Variants in HSF5 observed in about 807,000 individuals in gnomAD.
HSF5 encodes heat shock transcription factor 5.
In HSF5, 5 loss-of-function variants were observed where a neutral mutation model predicts 50.8. The ratio of observed to expected loss-of-function variants is 0.10; its 90% CI spans 0.05 to 0.21. The LOEUF (loss-of-function observed/expected upper bound fraction) is 0.21. HSF5 is among the 10% of genes least tolerant of loss of function. The probability of loss-of-function intolerance (pLI) is 1.00; values close to 1 mark genes in which losing one functional copy is unlikely to be tolerated. For missense variants in HSF5, 564 were observed against 762.6 expected (o/e 0.74, Z 3.07); for synonymous variants, 307 against 307.4 (o/e 1.00, Z 0.02).
At chr17:58,470,800 C>T (rs1233860072) in intron 2 of HSF5, among the ~76,000 whole-genome samples, 2 of 152,104 alleles carry the variant, frequency 1.3e-5, no homozygotes, top group African/African-American at 4.8e-5. Context: ...GTGGTGCACG[C>T]CTGTAGCCCC....
At chr17:58,428,945 G>T (rs1428077012) in intron 5 of HSF5, among the ~76,000 whole-genome samples, 1 of 152,184 alleles carries the variant, frequency 6.6e-6, no homozygotes. Flanking sequence ...GTATATGCAT[G>T]TTCATAGCAC....
intron 1 of HSF5, among the ~76,000 whole-genome samples, chr17:58,483,635 C>A (rs1598204501): frequency 6.6e-6 from 1 of 152,148 alleles, no homozygotes; most frequent in East Asian, 1.9e-4. Context: ...AGCATGGTAT[C>A]CCCAGGTAAA....
chr17:58,429,449 G>A (rs1974336407), intron 5 of HSF5, among the ~76,000 whole-genome samples: 2 of 152,206 alleles, frequency 1.3e-5, no homozygotes, highest in South Asian at 4.1e-4. Context: ...CAGGAGGATT[G>A]CTTGAGCCCA....
intron 5 of HSF5, among the ~76,000 whole-genome samples, chr17:58,449,474 C>A (rs767781494): frequency 1.1e-4 from 17 of 152,220 alleles, no homozygotes; most frequent in Non-Finnish European, 2.5e-4. Context: ...CCGAGGCAGG[C>A]GGATCACCAG....
rs912579407 is a variant in HSF5 at position 58,487,709 on chromosome 17, G to A, written c.550+16C>T. The A allele has an allele frequency of 2.2e-6, 3 of 1,383,318 alleles. No homozygotes were observed. Among genetic ancestry groups the A allele is most frequent in the Non-Finnish European group, 2.8e-6 (3 of 1,078,382 alleles). The allele number at this position is 1,383,318 out of a possible 1,614,324, so 85.7% of individuals were successfully genotyped here. A position where few individuals can be genotyped will look rare whatever the true frequency, so the allele number is the denominator to read the frequency against. ...TGTGCCCACTGTGGGCGAGGGCACGGGCAGTCCGGACTCACCGTGCGGCTC... is the reference window on the plus strand; with the variant it reads ...TGTGCCCACTGTGGGCGAGGGCACGAGCAGTCCGGACTCACCGTGCGGCTC... On this transcript the variant is annotated intron_variant, in intron 1 of 5. Transcript: ENST00000323777.
chr17:58,451,627 T>G (rs946112293), intron 5 of HSF5, among the ~76,000 whole-genome samples: 2 of 152,140 alleles, frequency 1.3e-5, no homozygotes, highest in Non-Finnish European at 1.5e-5. Context: ...AATTTAAAAA[T>G]TCCTTGAGAC....
At chr17:58,426,562 C>T (rs1974298774) in intron 5 of HSF5, among the ~76,000 whole-genome samples, 1 of 152,102 alleles carries the variant, frequency 6.6e-6, no homozygotes, top group African/African-American at 2.4e-5. Flanking sequence ...GGTTTTGGGG[C>T]TATTACCTTA....
At chr17:58,430,888 T>C (rs1039481052) in intron 5 of HSF5, among the ~76,000 whole-genome samples, 1 of 152,222 alleles carries the variant, frequency 6.6e-6, no homozygotes, top group African/African-American at 2.4e-5. Context: ...CGCACAAATA[T>C]CACATTGTAT....
chr17:58,436,575 T>C (rs1974430104), intron 5 of HSF5, among the ~76,000 whole-genome samples: 1 of 152,096 alleles, frequency 6.6e-6, no homozygotes, highest in African/African-American at 2.4e-5. Flanking sequence ...TAAAGATAAT[T>C]ACTGTGCTAA....
At chr17:58,477,476 T>C (rs1975032218) in intron 2 of HSF5, among the ~76,000 whole-genome samples, 1 of 150,120 alleles carries the variant, frequency 6.7e-6, no homozygotes, top group African/African-American at 2.5e-5. Flanking sequence ...TTTTTTTTTT[T>C]TGAGACGGAG....
In HSF5 at chr17:58,457,748, C is replaced by T. The variant is rs1285516412; in HGVS notation, c.1720+1020G>A. Among the ~76,000 whole-genome samples, 5 of 152,186 alleles carry T rather than the reference C, an allele frequency of 3.3e-5. No individual in the cohort carries two copies. The East Asian group carries it at 9.6e-4, about 29-fold the overall frequency. On this transcript the variant is annotated intron_variant, in intron 5 of 5. Transcript: ENST00000323777. ...TGGATACGGTAAATGTTAGTTCCTG[C>T]CTTTCTCTCATCTAAATTGCCTTCA...
At chr17:58,447,548 G>A (rs894792649) in intron 5 of HSF5, among the ~76,000 whole-genome samples, 3 of 152,166 alleles carry the variant, frequency 2.0e-5, no homozygotes, top group Non-Finnish European at 4.4e-5. Context: ...CCTTCAACTT[G>A]GGGGAAAGAG....
intron 4 of HSF5, among the ~76,000 whole-genome samples, chr17:58,459,243 G>T (rs1408875891): frequency 6.6e-6 from 1 of 150,894 alleles, no homozygotes; most frequent in African/African-American, 2.4e-5. Context: ...TCACATTGTT[G>T]TCCAGGCGGG....
At chr17:58,474,992 AT>A (rs1555643978) in intron 2 of HSF5, among the ~76,000 whole-genome samples, 7 of 151,830 alleles carry the variant, frequency 4.6e-5, no homozygotes, top group East Asian at 1.9e-4. Context: ...GGTAAAAAAA[AT>A]TTTTTTTTAA....
chr17:58,442,470 A>C (rs1974511431), intron 5 of HSF5, among the ~76,000 whole-genome samples: 1 of 152,138 alleles, frequency 6.6e-6, no homozygotes, highest in South Asian at 2.1e-4. Flanking sequence ...TCTTTACTGT[A>C]CACACTTTAT....
chr17:58,464,456 A>G (rs1431796312), intron 3 of HSF5, among the ~76,000 whole-genome samples: 1 of 152,198 alleles, frequency 6.6e-6, no homozygotes, highest in African/African-American at 2.4e-5. Context: ...TCTTGCTCTT[A>G]AACAATACAA....
intron 5 of HSF5, among the ~76,000 whole-genome samples, chr17:58,449,454 C>G (rs899493240): frequency 1.3e-5 from 2 of 152,218 alleles, no homozygotes; most frequent in Non-Finnish European, 2.9e-5. Flanking sequence ...AATCCCAACA[C>G]TTCTGGAGAC....
intron 4 of HSF5, among the ~76,000 whole-genome samples, chr17:58,462,321 A>G (rs1480712743): frequency 6.6e-6 from 1 of 152,206 alleles, no homozygotes. Flanking sequence ...CAGTTCAATG[A>G]TGCTGTAATA....
At chr17:58,436,983 G>T (rs537182540) in intron 5 of HSF5, among the ~76,000 whole-genome samples, 2 of 152,192 alleles carry the variant, frequency 1.3e-5, no homozygotes, top group Admixed American at 1.3e-4. Flanking sequence ...CCATTTTTGC[G>T]GTATTCTAAA....
Sources: gnomAD v4.1 joint callset for allele counts (sites outside exome capture counted in the v4.1 genomes callset) on GRCh38, gnomAD v4.1.1 for gene constraint, MANE v1.5 for transcripts, NCBI Gene and HGNC (gene_info 2026-07-23, HGNC 2026-07-21) for gene names.